Variants in RNLS observed in about 807,000 individuals in gnomAD.
RNLS encodes the protein renalase, FAD dependent amine oxidase.
In RNLS, 39 loss-of-function variants were observed where a neutral mutation model predicts 39.8. The ratio of observed to expected loss-of-function variants is 0.98; its 90% CI spans 0.76 to 1.28. The LOEUF (loss-of-function observed/expected upper bound fraction) is 1.28. Among genes scored for constraint, RNLS ranks in the 50% most tolerant of loss-of-function variants. The pLI, the probability that RNLS is intolerant of heterozygous loss-of-function variation, is 0.00. For synonymous variants in RNLS, 147 were observed against 150.7 expected, an observed-to-expected ratio of 0.98 and a Z score of 0.18; for missense variants, 410 against 413.3, an observed-to-expected ratio of 0.99 and a Z score of 0.07.
chr10:88,555,035 C>A (rs756510917), intron 4 of RNLS, among the ~76,000 whole-genome samples: 1 of 152,078 alleles, frequency 6.6e-6, no homozygotes, highest in South Asian at 2.1e-4. Flanking sequence ...GCAAAAATTA[C>A]TTGCTCTTTG....
rs184704450 is a variant in RNLS at position 88,549,629 on chromosome 10, C to G, written c.526+23274G>C. On this transcript the variant is annotated intron_variant, in intron 4 of 6. Coordinates refer to ENST00000331772, the MANE Select transcript of RNLS (RefSeq NM_001031709.3). The stretch of plus-strand genomic sequence containing the variant: ...ATAGAACACGGTAAAAAAGCAGTGT[C>G]AGGGAGATGAATTTAAAGTAGAAGA... 9.8e-4 allele frequency among the ~76,000 whole-genome samples: 149 copies of G among 152,100 alleles called. 3 individuals are homozygous for G. The highest frequency in any genetic ancestry group is 5.1e-4 in the Non-Finnish European group (35 of 68,002).
At chr10:88,388,059 T>C (rs1041013586) in intron 4 of RNLS, among the ~76,000 whole-genome samples, 1 of 152,176 alleles carries the variant, frequency 6.6e-6, no homozygotes, top group Non-Finnish European at 1.5e-5. Flanking sequence ...ATTTAACACG[T>C]AGAAGTTGGA....
the RNLS span, among the ~76,000 whole-genome samples, chr10:88,186,773 A>G: frequency 1.3e-5 from 2 of 152,136 alleles, no homozygotes; most frequent in Non-Finnish European, 2.9e-5. Flanking sequence ...TTAAACAAAA[A>G]AGGACAAGAT....
At chr10:88,260,230 G>T in the RNLS span, among the ~76,000 whole-genome samples, 1 of 152,156 alleles carries the variant, frequency 6.6e-6, no homozygotes, top group African/African-American at 2.4e-5. Flanking sequence ...ACTTGAGCTG[G>T]TTTCTCTGAG....
intron 6 of RNLS, among the ~76,000 whole-genome samples, 197 bp downstream of exon 6, chr10:88,314,269 T>A (rs998872718): frequency 4.6e-5 from 7 of 152,196 alleles, no homozygotes; most frequent in Admixed American, 3.9e-4. Context: ...GGAAATTCTA[T>A]GCACTTCTTG....
intron 4 of RNLS, among the ~76,000 whole-genome samples, chr10:88,556,782 T>C (rs946440834): frequency 3.9e-5 from 6 of 152,146 alleles, no homozygotes; most frequent in African/African-American, 1.4e-4. Context: ...AAAAATCACC[T>C]TGTCACAGAC....
chr10:88,489,824 C>G (rs1033063049), intron 4 of RNLS, among the ~76,000 whole-genome samples: 1 of 152,154 alleles, frequency 6.6e-6, no homozygotes, highest in African/African-American at 2.4e-5. Context: ...TACATCAGAG[C>G]AAGGCATTCA....
intron 4 of RNLS, among the ~76,000 whole-genome samples, chr10:88,485,731 G>A (rs1844464685): frequency 6.7e-6 from 1 of 150,350 alleles, no homozygotes; most frequent in Non-Finnish European, 1.5e-5. Flanking sequence ...TCTGGTATGA[G>A]CTCATTTTGC....
chr10:88,309,033 A>G (rs778543646), intron 6 of RNLS, among the ~76,000 whole-genome samples: 5 of 152,212 alleles, frequency 3.3e-5, no homozygotes, highest in Admixed American at 6.5e-5. Context: ...AGAAAACCAC[A>G]TATCACATGT....
intron 4 of RNLS, among the ~76,000 whole-genome samples, chr10:88,380,348 C>T (rs1181130189): frequency 7.9e-6 from 1 of 127,114 alleles, no homozygotes; most frequent in Non-Finnish European, 1.7e-5. Context: ...ATTTTTTAGT[C>T]TTGGGGTTTT....
At chr10:88,581,154 G>A (rs1850512492) in intron 3 of RNLS, among the ~76,000 whole-genome samples, 1 of 151,804 alleles carries the variant, frequency 6.6e-6, no homozygotes, top group Non-Finnish European at 1.5e-5. Context: ...AAAGAAAATG[G>A]ATTACACTAA....
chr10:88,558,124 A>G (rs1848973368), intron 4 of RNLS, among the ~76,000 whole-genome samples: 1 of 152,146 alleles, frequency 6.6e-6, no homozygotes, highest in South Asian at 2.1e-4. Flanking sequence ...TATTTACATC[A>G]TGATGCGTTT....
intron 4 of RNLS, among the ~76,000 whole-genome samples, chr10:88,410,942 A>G (rs1159806433): frequency 1.3e-5 from 2 of 152,176 alleles, no homozygotes; most frequent in African/African-American, 4.8e-5. Flanking sequence ...TAAGAGAGTT[A>G]AAGCCATGGA....
At chr10:88,485,905 T>C (rs1222842846) in intron 4 of RNLS, among the ~76,000 whole-genome samples, 1 of 152,080 alleles carries the variant, frequency 6.6e-6, no homozygotes, top group African/African-American at 2.4e-5. Flanking sequence ...ATTGTACCAG[T>C]GGTATAAAGT....
the RNLS span, among the ~76,000 whole-genome samples, chr10:88,218,337 A>C: frequency 6.6e-6 from 1 of 152,260 alleles, no homozygotes; most frequent in African/African-American, 2.4e-5. Flanking sequence ...GAATAATATA[A>C]GGCTAGGTCT....
At chr10:88,352,615 A>C (rs910121722) in intron 5 of RNLS, among the ~76,000 whole-genome samples, 1 of 152,204 alleles carries the variant, frequency 6.6e-6, no homozygotes, top group Non-Finnish European at 1.5e-5. Flanking sequence ...TATCTTATTG[A>C]GGATTTTTGC....
Position 88,582,276 on chromosome 10 carries a change from A to G in RNLS, c.150T>C (p.His50=), listed in dbSNP as rs1347271281. 1.9e-6 allele frequency: 3 copies of G among 1,614,080 alleles called. No homozygotes were observed. Among genetic ancestry groups the G allele is most frequent in the Non-Finnish European group, 2.5e-6 (3 of 1,179,962 alleles). ...GGRMTTACSP[H]NPQCTADLGA... The stretch of plus-strand genomic sequence containing the variant: ...CCAAGTCAGCTGTGCACTGAGGATT[A>G]TGAGGACTGCAGGCTGTAGTCATTC... The change falls in exon 2 of 7, where the codon CAT becomes CAC. Residue 50 remains histidine (H), a synonymous_variant. Coordinates refer to ENST00000331772, the MANE Select transcript of RNLS (RefSeq NM_001031709.3).
chr10:88,224,753 C>A, the RNLS span, among the ~76,000 whole-genome samples: 2 of 152,122 alleles, frequency 1.3e-5, no homozygotes, highest in African/African-American at 4.8e-5. Context: ...AGGTTACGTG[C>A]AATCTTTTCT....
At chr10:88,244,691 CT>C in the RNLS span, among the ~76,000 whole-genome samples, 171 of 126,278 alleles carry the variant, frequency 1.4e-3, no homozygotes, top group Admixed American at 1.7e-3. Flanking sequence ...GGTTTTCATG[CT>C]TTTTTTTTTT....
Sources: allele counts gnomAD v4.1 joint callset (sites outside exome capture counted in the v4.1 genomes callset), GRCh38; gene constraint gnomAD v4.1.1; transcripts MANE v1.5; gene names NCBI Gene and HGNC (gene_info 2026-07-23, HGNC 2026-07-21).